The following FGFR1OP2 variants were observed in gnomAD, a reference collection of about 807,000 sequenced individuals.
The protein encoded by FGFR1OP2 is fibroblast growth factor receptor 1 oncogene partner 2.
Under a neutral mutation model 35.2 loss-of-function variants are expected in FGFR1OP2, and 17 were observed. The ratio of observed to expected loss-of-function variants is 0.48; its 90% CI spans 0.33 to 0.73. The LOEUF is 0.73. Among genes scored for constraint, FGFR1OP2 ranks in the 30% least tolerant of loss-of-function variants. The probability of loss-of-function intolerance (pLI) is 0.02; values close to 1 mark genes in which losing one functional copy is unlikely to be tolerated. For missense variants in FGFR1OP2, 251 were observed against 307.3 expected (o/e 0.82, Z 1.37); for synonymous variants, 105 against 104.6 (o/e 1.00, Z -0.03).
Position 26,965,488 on chromosome 12 carries a change from C to T in FGFR1OP2, c.*755C>T, listed in dbSNP as rs1283823088. ...TTTGGTTCAAAGTCAATAATGAAGA[C>T]GAGATTTGTTTTTCTCTTCTCTGGC... is the stretch of plus-strand genomic sequence containing the variant. On this transcript the variant is annotated 3_prime_UTR_variant, in exon 7 of 7. Transcript: ENST00000229395. 5.9e-5 allele frequency: 9 copies of T among 152,336 alleles called. No homozygotes were observed. Among genetic ancestry groups the T allele is most frequent in the East Asian group, 1.9e-4 (1 of 5,200 alleles). 9.4% of individuals were successfully genotyped at this position (152,336 alleles called of 1,614,324 possible).
intron 4 of FGFR1OP2, among the ~76,000 whole-genome samples, chr12:26,958,189 C>A (rs1449786719): frequency 6.6e-6 from 1 of 152,082 alleles, no homozygotes; most frequent in Non-Finnish European, 1.5e-5. Flanking sequence ...AGCATGACTC[C>A]ATCTCTTCAA....
At chr12:26,945,405 G>C (rs568837169) in intron 1 of FGFR1OP2, among the ~76,000 whole-genome samples, 24 of 152,146 alleles carry the variant, frequency 1.6e-4, no homozygotes, top group African/African-American at 5.3e-4. Flanking sequence ...TTGATATTTT[G>C]TATTTTCATG....
At chr12:26,956,922 G>A (rs757989322) in intron 3 of FGFR1OP2, among the ~76,000 whole-genome samples, 11 of 152,138 alleles carry the variant, frequency 7.2e-5, no homozygotes, top group Admixed American at 3.3e-4. Context: ...CCTGATTCCA[G>A]TCTCTCTTCC....
intron 1 of FGFR1OP2, among the ~76,000 whole-genome samples, chr12:26,941,151 C>CTA (rs1165438198): frequency 6.6e-6 from 1 of 151,924 alleles, no homozygotes; most frequent in Non-Finnish European, 1.5e-5. Context: ...TTGGACCCGC[C>CTA]TATAGAAAAT....
At chr12:26,949,117 C>T (rs1324097918) in intron 1 of FGFR1OP2, among the ~76,000 whole-genome samples, 1 of 152,150 alleles carries the variant, frequency 6.6e-6, no homozygotes, top group Non-Finnish European at 1.5e-5. Flanking sequence ...TGGTTTTAGT[C>T]GTTGATTCAC....
rs1332620549 is a variant in FGFR1OP2, at chr12:26,960,610, C to T, written c.492C>T (p.His164=). The change falls in exon 5 of 7, where the codon CAC becomes CAT. Residue 164 remains histidine (H), a synonymous_variant. Transcript: ENST00000229395. The part of the protein sequence containing the change: ...EAPQHGLERR[H]LEANQNELQA... The stretch of plus-strand genomic sequence containing the variant: ...CTCAACATGGACTGGAGAGAAGGCA[C>T]TTGGAAGCAAATCAGAATGTACACT... The T allele has an allele frequency of 1.2e-6, 2 of 1,612,878 alleles. No individual in the cohort carries two copies. The highest frequency in any genetic ancestry group is 2.2e-5 in the South Asian group (2 of 91,050).
intron 4 of FGFR1OP2, among the ~76,000 whole-genome samples, chr12:26,959,618 A>T (rs1481281177): frequency 3.9e-5 from 6 of 152,148 alleles, no homozygotes; most frequent in Non-Finnish European, 7.4e-5. Context: ...ATTAATTAGT[A>T]AGGTTAAACA....
Position 26,965,907 on chromosome 12 carries a change from T to C in FGFR1OP2, c.*1174T>C, listed in dbSNP as rs1292300344. The C allele has an allele frequency of 6.6e-6, 1 of 152,056 alleles. No homozygotes were observed. The highest frequency in any genetic ancestry group is 1.5e-5 in the Non-Finnish European group (1 of 67,954). 9.4% of individuals were successfully genotyped at this position (152,056 alleles called of 1,614,324 possible). A position where few individuals can be genotyped will look rare whatever the true frequency, so the allele number is the denominator to read the frequency against. On this transcript the variant is annotated 3_prime_UTR_variant, in exon 7 of 7. Coordinates refer to ENST00000229395, the MANE Select transcript of FGFR1OP2 (RefSeq NM_015633.3). ...ATCAGTTGAAACCTAAATTTTCTTA[T>C]GTTGTGGTGATTGTATTAAAAAGGG...
intron 5 of FGFR1OP2, chr12:26,961,320 G>A (rs1304657844): frequency 1.3e-5 from 2 of 152,170 alleles, no homozygotes; most frequent in African/African-American, 2.4e-5. Context: ...AATTAAATAA[G>A]TGAACCATTA....
intron 5 of FGFR1OP2, chr12:26,962,038 T>C (rs1013132466): frequency 6.6e-6 from 1 of 152,226 alleles, no homozygotes; most frequent in African/African-American, 2.4e-5. Flanking sequence ...GATTGGAATG[T>C]TTTTTATCTG....
At chr12:26,961,766 T>G (rs1447763882) in intron 5 of FGFR1OP2, 1 of 152,230 alleles carries the variant, frequency 6.6e-6, no homozygotes, top group Non-Finnish European at 1.5e-5. Context: ...GCTTTCTGTG[T>G]AGTTTTTTAA....
At chr12:26,963,511 G>A in intron 6 of FGFR1OP2, 56 bp downstream of exon 6, 1 of 1,101,704 alleles carries the variant, frequency 9.1e-7, no homozygotes, top group Non-Finnish European at 1.3e-6. Context: ...ATTTATGCCA[G>A]AAAATATATC....
At chr12:26,945,273 TCTC>T (rs1490156451) in intron 1 of FGFR1OP2, among the ~76,000 whole-genome samples, 2 of 152,150 alleles carry the variant, frequency 1.3e-5, no homozygotes, top group Non-Finnish European at 2.9e-5. Context: ...TTGCTCTTCT[TCTC>T]CAGGTTCCTA....
At chr12:26,941,042 A>G (rs1479519702) in intron 1 of FGFR1OP2, among the ~76,000 whole-genome samples, 2 of 152,082 alleles carry the variant, frequency 1.3e-5, no homozygotes, top group African/African-American at 4.8e-5. Flanking sequence ...TCTGACTGCA[A>G]AAGTCTTTGG....
intron 1 of FGFR1OP2, among the ~76,000 whole-genome samples, chr12:26,944,907 A>G (rs1281508062): frequency 6.6e-6 from 1 of 152,160 alleles, no homozygotes; most frequent in Non-Finnish European, 1.5e-5. Flanking sequence ...AGGATTATTC[A>G]TAGTTGTCTG....
rs540999041 is a variant in FGFR1OP2 at position 26,964,272 on chromosome 12, A to T, written c.625-324A>T. ...GCCTATTCACTGGCTTTACGAGTTT[A>T]TATAAAAATAAATCTAGATGTTATT... On this transcript the variant is annotated intron_variant, in intron 6 of 6. Transcript: ENST00000229395. Among the ~76,000 whole-genome samples, 5 of 152,290 alleles carry T rather than the reference A, an allele frequency of 3.3e-5. No homozygotes were observed. The South Asian group carries it at 1.0e-3, about 32-fold the overall frequency.
chr12:26,945,655 G>A lies in FGFR1OP2; in HGVS notation c.-15+6945G>A, dbSNP rs142667634. ...GCGGGCAGATCACCTGAGGTCAGGCGTTCAGGACCAGCCTGGCCAACGTGG... is the reference window on the plus strand; with the variant it reads ...GCGGGCAGATCACCTGAGGTCAGGCATTCAGGACCAGCCTGGCCAACGTGG... On this transcript the variant is annotated intron_variant, in intron 1 of 6. Coordinates refer to ENST00000229395, the MANE Select transcript of FGFR1OP2 (RefSeq NM_015633.3). 3.7e-3 allele frequency among the ~76,000 whole-genome samples: 570 copies of A among 152,246 alleles called. 16 individuals are homozygous for A. In the East Asian group the frequency reaches 0.078, roughly 21 times the overall value.
chr12:26,961,998 T>C (rs1260739510), intron 5 of FGFR1OP2: 1 of 152,218 alleles, frequency 6.6e-6, no homozygotes, highest in Non-Finnish European at 1.5e-5. Flanking sequence ...ATAATCTAAT[T>C]CAAAACTATC....
At chr12:26,949,458 A>G (rs2136351731) in intron 1 of FGFR1OP2, among the ~76,000 whole-genome samples, 1 of 152,182 alleles carries the variant, frequency 6.6e-6, no homozygotes, top group South Asian at 2.1e-4. Flanking sequence ...TAATTTATTT[A>G]CAAATGAAGC....
Sources: gnomAD v4.1 joint callset for allele counts (sites outside exome capture counted in the v4.1 genomes callset) on GRCh38, gnomAD v4.1.1 for gene constraint, MANE v1.5 for transcripts, NCBI Gene and HGNC (gene_info 2026-07-23, HGNC 2026-07-21) for gene names.